The following ZFPM1 variants were observed in gnomAD, a reference collection of about 807,000 sequenced individuals.
ZFPM1 encodes zinc finger protein, FOG family member 1.
A neutral mutation model predicts 46.3 loss-of-function variants in ZFPM1; 28 were observed. The ratio of observed to expected loss-of-function variants is 0.60; its 90% confidence interval spans 0.45 to 0.83. The LOEUF (loss-of-function observed/expected upper bound fraction) is 0.83, where lower values mean the gene tolerates loss of function less well. Among genes scored for constraint, ZFPM1 ranks in the 40% least tolerant of loss-of-function variants. The pLI is 0.00. For synonymous variants in ZFPM1, 957 were observed against 675.9 expected, an observed-to-expected ratio of 1.42 and a Z score of -6.45; for missense variants, 1,878 against 1,432.4, an observed-to-expected ratio of 1.31 and a Z score of -5.02.
intron 3 of ZFPM1, among the ~76,000 whole-genome samples, chr16:88,498,169 G>A (rs1256964569): frequency 6.6e-6 from 1 of 151,872 alleles, no homozygotes; most frequent in African/African-American, 2.4e-5. Context: ...TGGCTGTCCT[G>A]GGGAACACGG....
At chr16:88,460,355 C>A (rs1295279201) in intron 1 of ZFPM1, among the ~76,000 whole-genome samples, 1 of 152,154 alleles carries the variant, frequency 6.6e-6, no homozygotes, top group Non-Finnish European at 1.5e-5. Flanking sequence ...CAGGAAGGCA[C>A]ACTGGCAGTT....
intron 3 of ZFPM1, among the ~76,000 whole-genome samples, chr16:88,493,399 GCA>G (rs1909725932): frequency 7.0e-6 from 1 of 143,296 alleles, no homozygotes; most frequent in Non-Finnish European, 1.5e-5. Context: ...GTCCCAGGGT[GCA>G]GGAAGCTGTC....
intron 1 of ZFPM1, among the ~76,000 whole-genome samples, chr16:88,460,456 T>C (rs1250479648): frequency 6.6e-6 from 1 of 152,186 alleles, no homozygotes; most frequent in East Asian, 1.9e-4. Context: ...CATACCCATT[T>C]TTCAGATGAG....
At chr16:88,515,108 G>A (rs1042191867) in intron 4 of ZFPM1, among the ~76,000 whole-genome samples, 12 of 152,240 alleles carry the variant, frequency 7.9e-5, no homozygotes, top group African/African-American at 1.2e-4. Flanking sequence ...TGACAAGTCA[G>A]TTCGGTTTCC....
intron 1 of ZFPM1, among the ~76,000 whole-genome samples, chr16:88,455,190 A>G (rs923833833): frequency 5.3e-5 from 8 of 150,526 alleles, no homozygotes; most frequent in Non-Finnish European, 8.9e-5. Context: ...CACTGTGATG[A>G]GAAATGCAGA....
At chr16:88,483,957 C>A (rs530829399) in intron 1 of ZFPM1, among the ~76,000 whole-genome samples, 1 of 152,182 alleles carries the variant, frequency 6.6e-6, no homozygotes, top group Admixed American at 6.5e-5. Context: ...CTCGCATCTT[C>A]GGGGGTCTCT....
intron 2 of ZFPM1, among the ~76,000 whole-genome samples, chr16:88,486,832 C>T (rs980737540): frequency 6.6e-6 from 1 of 151,502 alleles, no homozygotes; most frequent in Middle Eastern, 3.4e-3. Flanking sequence ...GTGCTGGGTG[C>T]ACAGTGGATG....
chr16:88,522,603 T>C (rs1351848148), intron 4 of ZFPM1, among the ~76,000 whole-genome samples: 4 of 152,248 alleles, frequency 2.6e-5, no homozygotes, highest in African/African-American at 9.6e-5. Flanking sequence ...GGGTTTCCGA[T>C]GGCTATCGGT....
At chr16:88,452,867 A>G (rs935355150), upstream of ZFPM1, among the ~76,000 whole-genome samples, 1 of 152,122 alleles carries the variant, frequency 6.6e-6, no homozygotes. Context: ...AACAGAACCG[A>G]ATAGGTCTCA....
At chr16:88,452,095 GC>G, upstream of ZFPM1, among the ~76,000 whole-genome samples, 1 of 152,204 alleles carries the variant, frequency 6.6e-6, no homozygotes, top group Non-Finnish European at 1.5e-5. Context: ...CTTCCTGTCT[GC>G]CCCTGGGCCC....
intron 2 of ZFPM1, 57 bp downstream of exon 2, chr16:88,486,100 C>T (rs1022297519): frequency 8.6e-6 from 13 of 1,516,214 alleles, no homozygotes; most frequent in South Asian, 2.4e-5. Flanking sequence ...ATTGCTTACC[C>T]GTACCATGCC....
chr16:88,452,453 G>A (rs1265122136), upstream of ZFPM1, among the ~76,000 whole-genome samples: 3 of 152,190 alleles, frequency 2.0e-5, no homozygotes, highest in Non-Finnish European at 4.4e-5. Flanking sequence ...GCCCCAAGTG[G>A]CAACGCCCAG....
intron 1 of ZFPM1, among the ~76,000 whole-genome samples, chr16:88,477,047 C>T (rs994698227): frequency 2.0e-5 from 3 of 149,734 alleles, no homozygotes; most frequent in Non-Finnish European, 4.4e-5. Context: ...ACCGGGGCCA[C>T]GCAGACCTTC....
At chr16:88,525,668 G>A (rs9673198) in intron 4 of ZFPM1, among the ~76,000 whole-genome samples, 149,028 of 152,298 alleles carry the variant, frequency 0.98, 72,996 homozygotes, top group Non-Finnish European at 1. Flanking sequence ...AGGAGGGACC[G>A]AGGCCTGAGG....
chr16:88,473,488 G>A (rs528847945), intron 1 of ZFPM1, among the ~76,000 whole-genome samples: 1 of 152,328 alleles, frequency 6.6e-6, no homozygotes, highest in African/African-American at 2.4e-5. Context: ...TCGGCTGCTA[G>A]GGAGGGCCAT....
In ZFPM1 at chr16:88,500,898, G is replaced by A. The variant is rs988956425; in HGVS notation, c.268+11745G>A. Reference sequence around the variant, plus strand: ...TGCTGGGTCCCTAGACGGCACCTCGGTGTCCTCACCTGACCGACAGGTACA... The same window carrying A: ...TGCTGGGTCCCTAGACGGCACCTCGATGTCCTCACCTGACCGACAGGTACA... On this transcript the variant is annotated intron_variant, in intron 3 of 9. Coordinates refer to ENST00000319555, the MANE Select transcript of ZFPM1 (RefSeq NM_153813.3). Among the ~76,000 whole-genome samples the A allele has an allele frequency of 8.5e-5, 13 of 152,376 alleles. No individual in the cohort carries two copies. In the South Asian group the frequency reaches 2.7e-3, roughly 32 times the overall value.
intron 3 of ZFPM1, among the ~76,000 whole-genome samples, chr16:88,494,250 G>A (rs952561623): frequency 6.6e-5 from 10 of 152,160 alleles, no homozygotes; most frequent in African/African-American, 2.4e-4. Flanking sequence ...CGGCCAAGAG[G>A]CGGCCGAGCA....
intron 4 of ZFPM1, among the ~76,000 whole-genome samples, chr16:88,521,642 G>T (rs561269302): frequency 2.1e-5 from 1 of 47,904 alleles, no homozygotes; most frequent in Non-Finnish European, 3.8e-5. Context: ...TCCCTCCCCC[G>T]TGCTGTTCCC....
chr16:88,515,271 C>A (rs1394281439), intron 4 of ZFPM1, among the ~76,000 whole-genome samples: 1 of 152,208 alleles, frequency 6.6e-6, no homozygotes, highest in East Asian at 1.9e-4. Flanking sequence ...TGCAGCTGAG[C>A]GGGCAGACGC....
Sources: gnomAD v4.1 joint callset for allele counts (sites outside exome capture counted in the v4.1 genomes callset) on GRCh38, gnomAD v4.1.1 for gene constraint, MANE v1.5 for transcripts, NCBI Gene and HGNC (gene_info 2026-07-23, HGNC 2026-07-21) for gene names.